Variants in SYT14 observed in about 807,000 individuals in gnomAD.
SYT14 encodes the protein synaptotagmin 14, also known as synaptotagmin-14.
In SYT14, 32 loss-of-function variants were observed where a neutral mutation model predicts 74.2. The observed-to-expected ratio is 0.43, with a 90% CI of 0.33 to 0.58. The LOEUF (loss-of-function observed/expected upper bound fraction) is 0.58. SYT14 is among the 20% of genes least tolerant of loss of function. The probability of loss-of-function intolerance (pLI) is 0.05; values close to 1 mark genes in which losing one functional copy is unlikely to be tolerated. For synonymous variants in SYT14, 298 were observed against 337.7 expected, an observed-to-expected ratio of 0.88 and a Z score of 1.29; for missense variants, 791 against 981.8, an observed-to-expected ratio of 0.81 and a Z score of 2.60.
chr1:210,145,718 T>A (rs1040555777), intron 7 of SYT14, among the ~76,000 whole-genome samples: 1 of 152,138 alleles, frequency 6.6e-6, no homozygotes, highest in Non-Finnish European at 1.5e-5. Flanking sequence ...TCCAGACCAG[T>A]TTACATTTAC....
At position 210,069,703 on chromosome 1, in the gene SYT14, C is replaced by G. The variant is rs1464443689; in HGVS notation, c.1313-24619C>G. On this transcript the variant is annotated intron_variant, in intron 5 of 9. Transcript: ENST00000637265. ...AGTGTATATTGTAAACATTTACTTCCTATGTATTTATCGCAGTACTTTTTA... is the reference window on the plus strand; with the variant it reads ...AGTGTATATTGTAAACATTTACTTCGTATGTATTTATCGCAGTACTTTTTA... Among the ~76,000 whole-genome samples, 5 of 151,726 alleles carry G rather than the reference C, an allele frequency of 3.3e-5. No homozygotes were observed. In the South Asian group the frequency reaches 1.0e-3, roughly 32 times the overall value.
At chr1:210,101,294 T>A (rs1189138804) in intron 7 of SYT14, among the ~76,000 whole-genome samples, 2 of 152,172 alleles carry the variant, frequency 1.3e-5, no homozygotes, top group Non-Finnish European at 2.9e-5. Flanking sequence ...ATACAAAGCA[T>A]TTTTAAAATA....
chr1:210,123,491 G>C (rs1271578382), intron 7 of SYT14, among the ~76,000 whole-genome samples: 1 of 152,208 alleles, frequency 6.6e-6, no homozygotes, highest in Non-Finnish European at 1.5e-5. Flanking sequence ...AAAAGCCTGT[G>C]AGATGTATAG....
At chr1:210,029,597 T>C (rs925996861) in intron 5 of SYT14, among the ~76,000 whole-genome samples, 2 of 152,168 alleles carry the variant, frequency 1.3e-5, no homozygotes, top group Non-Finnish European at 2.9e-5. Flanking sequence ...TTCAGGACTC[T>C]CTGTTTCATT....
At chr1:210,016,865 T>G in exon 4 of SYT14, 1 of 1,231,756 alleles carries the variant, frequency 8.1e-7, no homozygotes, top group Non-Finnish European at 1.0e-6. Flanking sequence ...AAAAGATATT[T>G]TGACAAGCAA....
intron 2 of SYT14, among the ~76,000 whole-genome samples, chr1:210,007,188 A>G (rs1359679811): frequency 6.6e-6 from 1 of 151,920 alleles, no homozygotes; most frequent in Non-Finnish European, 1.5e-5. Context: ...ATATAAAGAT[A>G]TAACTGCCAA....
chr1:210,015,843 A>G, exon 4 of SYT14: 1 of 1,204,328 alleles, frequency 8.3e-7, no homozygotes, highest in Non-Finnish European at 1.0e-6. Flanking sequence ...TTCAATGCAT[A>G]ATGTATTTAC....
At chr1:210,012,284 C>G (rs2102916619) in intron 2 of SYT14, among the ~76,000 whole-genome samples, 1 of 152,300 alleles carries the variant, frequency 6.6e-6, no homozygotes, top group South Asian at 2.1e-4. Flanking sequence ...CTTTCTTACA[C>G]TATATTGTCT....
intron 7 of SYT14, among the ~76,000 whole-genome samples, chr1:210,107,392 A>G: frequency 6.6e-6 from 1 of 152,172 alleles, no homozygotes; most frequent in East Asian, 1.9e-4. Context: ...ATATCATTCT[A>G]CCCTTGGCCC....
intron 5 of SYT14, among the ~76,000 whole-genome samples, chr1:210,048,639 C>A (rs1380563840): frequency 6.6e-6 from 1 of 152,186 alleles, no homozygotes; most frequent in East Asian, 1.9e-4. Context: ...TGGGTTGGGA[C>A]ATAGCCAAAC....
intron 2 of SYT14, among the ~76,000 whole-genome samples, chr1:209,971,334 G>A (rs1030770821): frequency 2.0e-5 from 3 of 152,048 alleles, no homozygotes; most frequent in African/African-American, 7.2e-5. Flanking sequence ...ATTAAAAAGT[G>A]ACAGTCTGAC....
intron 9 of SYT14, among the ~76,000 whole-genome samples, chr1:210,159,739 G>A (rs747342615): frequency 1.3e-5 from 2 of 152,042 alleles, no homozygotes; most frequent in African/African-American, 4.8e-5. Flanking sequence ...TCATACAACA[G>A]AAATAGATAT....
rs184521239 is a variant in SYT14 at position 210,090,950 on chromosome 1, G to A, written c.1313-3372G>A. ...ACTTTAAAAAATAAAATGCAAAAATGAAGTGAAAAGTAAAGATAAAAGGGG... is the reference window on the plus strand; with the variant it reads ...ACTTTAAAAAATAAAATGCAAAAATAAAGTGAAAAGTAAAGATAAAAGGGG... On this transcript the variant is annotated intron_variant, in intron 5 of 9. Transcript: ENST00000637265. 8.5e-5 allele frequency among the ~76,000 whole-genome samples: 13 copies of A among 152,120 alleles called. No homozygotes were observed. In the East Asian group the frequency reaches 2.5e-3, roughly 29 times the overall value.
intron 2 of SYT14, among the ~76,000 whole-genome samples, chr1:209,961,068 G>GT (rs2079068592): frequency 6.6e-6 from 1 of 152,114 alleles, no homozygotes; most frequent in African/African-American, 2.4e-5. Flanking sequence ...CCAGTTAGGT[G>GT]TTTATATTTT....
At chr1:210,023,279 C>G (rs993757042) in intron 5 of SYT14, among the ~76,000 whole-genome samples, 7 of 151,928 alleles carry the variant, frequency 4.6e-5, no homozygotes, top group African/African-American at 1.7e-4. Flanking sequence ...TGAGTATATA[C>G]GTAATATGAT....
At chr1:210,019,490 TTC>T (rs1482149368) in intron 4 of SYT14, among the ~76,000 whole-genome samples, 2 of 151,838 alleles carry the variant, frequency 1.3e-5, no homozygotes, top group African/African-American at 2.4e-5. Flanking sequence ...GGGTTTTAAT[TTC>T]TGTTTAATTT....
chr1:209,948,549 T>C (rs1283210208), intron 1 of SYT14, among the ~76,000 whole-genome samples: 4 of 152,268 alleles, frequency 2.6e-5, no homozygotes, highest in African/African-American at 9.6e-5. Flanking sequence ...AAAGCAATGC[T>C]AGTATTATCT....
exon 10 of SYT14, chr1:210,165,998 A>G (rs931858941): frequency 6.6e-6 from 1 of 152,248 alleles, no homozygotes; most frequent in African/African-American, 2.4e-5. Context: ...TGGGGCCTAC[A>G]TTCTAAGGTA....
At chr1:209,963,576 GTTAT>G (rs1282179329) in intron 2 of SYT14, among the ~76,000 whole-genome samples, 1 of 152,046 alleles carries the variant, frequency 6.6e-6, no homozygotes, top group Non-Finnish European at 1.5e-5. Context: ...TAATTTTCTG[GTTAT>G]TTATTCTGGC....
Sources: allele counts gnomAD v4.1 joint callset (sites outside exome capture counted in the v4.1 genomes callset), GRCh38; gene constraint gnomAD v4.1.1; transcripts MANE v1.5; gene names NCBI Gene and HGNC (gene_info 2026-07-23, HGNC 2026-07-21).